The following SRPX2 variants were observed in gnomAD, a reference collection of about 807,000 sequenced individuals.
SRPX2 encodes sushi repeat-containing protein SRPX2.
In SRPX2, 26 loss-of-function variants were observed where a neutral mutation model predicts 45.3. The observed-to-expected ratio is 0.57, with a 90% confidence interval of 0.42 to 0.80. The LOEUF (loss-of-function observed/expected upper bound fraction) is 0.80. Among genes scored for constraint, SRPX2 ranks in the 30% least tolerant of loss-of-function variants. The probability of loss-of-function intolerance (pLI) is 0.00; values close to 1 mark genes in which losing one functional copy is unlikely to be tolerated. For missense variants in SRPX2, 355 were observed against 399.8 expected, an observed-to-expected ratio of 0.89 and a Z score of 0.95; for synonymous variants, 125 against 143.7, an observed-to-expected ratio of 0.87 and a Z score of 0.93.
intron 8 of SRPX2, 33 bp from the exon 9 acceptor site, chrX:100,667,241 C>T: frequency 8.3e-6 from 10 of 1,211,438 alleles, no homozygotes; most frequent in Non-Finnish European, 1.0e-5. Context: ...AGGAGAAAGC[C>T]GTACTCTGAC....
At chrX:100,660,723 C>T (rs1358084660) in intron 3 of SRPX2, among the ~76,000 whole-genome samples, 4 of 111,104 alleles carry the variant, frequency 3.6e-5, no homozygotes, top group Non-Finnish European at 7.5e-5. Context: ...CGCCTGTAGT[C>T]CCAGCTACTC....
At chrX:100,650,462 T>G (rs943467699) in intron 2 of SRPX2, among the ~76,000 whole-genome samples, 2 of 111,881 alleles carry the variant, frequency 1.8e-5, no homozygotes, top group African/African-American at 6.5e-5. Flanking sequence ...TTCAAGGAAA[T>G]GGGTCATTTA....
chrX:100,659,027 C>A (rs1034829242), intron 3 of SRPX2, among the ~76,000 whole-genome samples: 2 of 111,784 alleles, frequency 1.8e-5, no homozygotes, highest in African/African-American at 6.5e-5. Context: ...TTGTCACATG[C>A]CTCACTTACT....
rs2083129132 is a variant in SRPX2 at position 100,644,310 on chromosome X, G to A, written c.-336G>A. 2 of 111,809 alleles carry A rather than the reference G, an allele frequency of 1.8e-5. No homozygotes were observed. Among genetic ancestry groups the A allele is most frequent in the Non-Finnish European group, 3.8e-5 (2 of 53,220 alleles). 9.2% of individuals were successfully genotyped at this position (111,809 alleles called of 1,213,427 possible). On this transcript the variant is annotated 5_prime_UTR_variant, in exon 1 of 11. Transcript: ENST00000373004. Reference sequence around the variant, plus strand: ...AGAGAGGAATAACTATAGCTTCAGGGATAATATAGCTTTAAGGAAACTTTT... The same window carrying A: ...AGAGAGGAATAACTATAGCTTCAGGAATAATATAGCTTTAAGGAAACTTTT...
At position 100,665,605 on chromosome X, in the gene SRPX2, C is replaced by T. The variant is rs1280564665; in HGVS notation, c.729C>T (p.Ala243=). The T allele has an allele frequency of 1.7e-6, 2 of 1,211,932 alleles. No homozygotes were observed. Among genetic ancestry groups the T allele is most frequent in the Admixed American group, 4.3e-5 (2 of 46,098 alleles). ...PEGEHVIRYT[A]YDRAYNRASC... is the part of the protein sequence containing the mutation. Reference sequence around the variant, plus strand: ...GAGAGCATGTGATTCGTTACACTGCCTATGACCGAGCCTACAACCGGGCCA... The same window carrying T: ...GAGAGCATGTGATTCGTTACACTGCTTATGACCGAGCCTACAACCGGGCCA... The change falls in exon 7 of 11, where the codon GCC becomes GCT. Residue 243 remains alanine (A), a synonymous_variant. Coordinates refer to ENST00000373004, the MANE Select transcript of SRPX2 (RefSeq NM_014467.3).
intron 10 of SRPX2, among the ~76,000 whole-genome samples, chrX:100,669,935 G>A (rs1166076774): frequency 1.8e-5 from 2 of 110,020 alleles, no homozygotes; most frequent in African/African-American, 6.6e-5. Context: ...ACCACACCCA[G>A]CTAATTTTTG....
intron 3 of SRPX2, among the ~76,000 whole-genome samples, chrX:100,661,227 T>C (rs1282552225): frequency 8.9e-6 from 1 of 112,176 alleles, no homozygotes. Context: ...GATTTTAACT[T>C]GCATTTCCCA....
chrX:100,650,320 G>GTT, intron 2 of SRPX2: 2 of 133,721 alleles, frequency 1.5e-5, no homozygotes, highest in South Asian at 2.3e-4. Context: ...CTGAGTAATT[G>GTT]TTTTTTTTTG....
chrX:100,672,606 G>C lies in SRPX2; in HGVS notation c.*1619G>C, dbSNP rs1426673281. 2 of 112,140 alleles carry C rather than the reference G, an allele frequency of 1.8e-5. No homozygotes were observed. The highest frequency in any genetic ancestry group is 1.9e-5 in the Non-Finnish European group (1 of 53,280). The allele number at this position is 112,140 out of a possible 1,213,427, so 9.2% of individuals were successfully genotyped here. A position where few individuals can be genotyped will look rare whatever the true frequency, so the allele number is the denominator to read the frequency against. ...TTTCAACACCAGCAGCCTGGCTCTA[G>C]AGGCAATGTTCTTCTTAGACATTAT... On this transcript the variant is annotated 3_prime_UTR_variant, in exon 11 of 11. Coordinates refer to ENST00000373004, the MANE Select transcript of SRPX2 (RefSeq NM_014467.3).
intron 3 of SRPX2, among the ~76,000 whole-genome samples, chrX:100,659,692 T>C (rs1435146367): frequency 9.0e-6 from 1 of 111,315 alleles, no homozygotes; most frequent in Admixed American, 9.5e-5. Context: ...AGAAAAGATT[T>C]CTCACTGTCA....
intron 8 of SRPX2, 77 bp downstream of exon 8, chrX:100,667,010 G>T: frequency 1.8e-6 from 2 of 1,135,576 alleles, no homozygotes; most frequent in Admixed American, 5.1e-5. Flanking sequence ...ATGGACAGGG[G>T]TCCAATAACA....
chrX:100,669,343 G>A lies in SRPX2; in HGVS notation c.1191G>A (p.Leu397=). 1 of 1,022,143 alleles carries A rather than the reference G, an allele frequency of 9.8e-7. No individual in the cohort carries two copies. Among genetic ancestry groups the A allele is most frequent in the Non-Finnish European group, 1.3e-6 (1 of 782,358 alleles). The allele number at this position is 1,022,143 out of a possible 1,213,427, so 84.2% of individuals were successfully genotyped here. ...QEVGRIREQQ[L]SANIIEELRQ... The stretch of plus-strand genomic sequence containing the variant: ...TGGGGCGCATCCGGGAGCAACAGCT[G>A]TCAGCCAACATCATCGAGGAGCTCA... Residue 397 remains leucine (L), a synonymous_variant, in exon 10 of 11, where the codon CTG becomes CTA. Coordinates refer to ENST00000373004, the MANE Select transcript of SRPX2 (RefSeq NM_014467.3).
At position 100,649,112 on chromosome X, in the gene SRPX2, C is replaced by T. The variant is rs1024062743; in HGVS notation, c.83-1673C>T. 4.4e-5 allele frequency: 5 copies of T among 112,429 alleles called. No individual in the cohort carries two copies. In the Admixed American group the frequency reaches 4.7e-4, roughly 11 times the overall value. 9.3% of individuals were successfully genotyped at this position (112,429 alleles called of 1,213,427 possible). ...GCTGAGAGATGTTAGCAGTCATTGTCGTAGTTGTTCTTGTTGTTGTTACTG... is the reference window on the plus strand; with the variant it reads ...GCTGAGAGATGTTAGCAGTCATTGTTGTAGTTGTTCTTGTTGTTGTTACTG... On this transcript the variant is annotated intron_variant, in intron 2 of 10. Coordinates refer to ENST00000373004, the MANE Select transcript of SRPX2 (RefSeq NM_014467.3).
chrX:100,666,897 A>G lies in SRPX2; in HGVS notation c.925A>G (p.Ser309Gly). 1 of 1,210,679 alleles carries G rather than the reference A, an allele frequency of 8.3e-7. No individual in the cohort carries two copies. The highest frequency in any genetic ancestry group is 1.7e-5 in the African/African-American group (1 of 57,877). Reference protein sequence around the residue: ...QGTPSRVCQSSRQWSGSPPIC... With the variant: ...QGTPSRVCQSGRQWSGSPPIC... ...GACACCCTCCCGGGTCTGTCAGTCCAGCCGCCAGTGGTCAGGTTCACCACC... is the reference window on the plus strand; with the variant it reads ...GACACCCTCCCGGGTCTGTCAGTCCGGCCGCCAGTGGTCAGGTTCACCACC... The change falls in exon 8 of 11, where the codon AGC becomes GGC. Residue 309 changes from serine to glycine, a missense_variant. Coordinates refer to ENST00000373004, the MANE Select transcript of SRPX2 (RefSeq NM_014467.3).
In SRPX2 at chrX:100,664,784, C is replaced by T. The variant is rs2147648869; in HGVS notation, c.366C>T (p.Cys122=). The change falls in exon 5 of 11, where the codon TGC becomes TGT. Residue 122 remains cysteine, a synonymous_variant. Transcript: ENST00000373004. The part of the protein sequence containing the change: ...SGTAYCRQMR[C]HALPFITSGT... The stretch of plus-strand genomic sequence containing the variant: ...TTGGTTTTCTCTTAGAGATGAGATG[C>T]CACGCACTACCATTCATCACTAGTG... The T allele has an allele frequency of 8.3e-7, 1 of 1,204,001 alleles. No individual in the cohort carries two copies. The highest frequency in any genetic ancestry group is 2.2e-5 in the Admixed American group (1 of 45,191).
At position 100,644,316 on chromosome X, in the gene SRPX2, A is replaced by G. The variant is rs2083129186; in HGVS notation, c.-330A>G. On this transcript the variant is annotated 5_prime_UTR_variant, in exon 1 of 11. The change creates a new upstream start codon in the 5' untranslated region. Transcript: ENST00000373004. ...GAATAACTATAGCTTCAGGGATAAT[A>G]TAGCTTTAAGGAAACTTTTGGCAGA... 2 of 111,916 alleles carry G rather than the reference A, an allele frequency of 1.8e-5. No individual in the cohort carries two copies. Among genetic ancestry groups the G allele is most frequent in the African/African-American group, 3.2e-5 (1 of 30,771 alleles). 9.2% of individuals were successfully genotyped at this position (111,916 alleles called of 1,213,427 possible).
intron 3 of SRPX2, among the ~76,000 whole-genome samples, chrX:100,661,948 T>TG (rs1251516685): frequency 9.9e-6 from 1 of 101,309 alleles, no homozygotes; most frequent in Non-Finnish European, 2.0e-5. Flanking sequence ...TTTTTTTTTT[T>TG]TTTTTTTTTT....
chrX:100,671,068 G>A lies in SRPX2; in HGVS notation c.*81G>A, dbSNP rs1426804486. The A allele has an allele frequency of 9.5e-7, 1 of 1,054,693 alleles. No homozygotes were observed. The allele number at this position is 1,054,693 out of a possible 1,213,427, so 86.9% of individuals were successfully genotyped here. On this transcript the variant is annotated 3_prime_UTR_variant, in exon 11 of 11. Coordinates refer to ENST00000373004, the MANE Select transcript of SRPX2 (RefSeq NM_014467.3). ...CTGGGACCTAATAAAAGGAGGAAAT[G>A]TTTTCCCACAGTTCTAGGGACAGGA...
In SRPX2 at chrX:100,670,810, A is replaced by G. The variant is rs375935170; in HGVS notation, c.1221A>G (p.Gln407=). ...LSANIIEELR[Q]FQRLTRSYFN... is the part of the protein sequence containing the mutation. Reference sequence around the variant, plus strand: ...CTCCCTGGGCTGTTCTCTCTAGGCAATTTCAGCGCCTCACTCGCTCCTACT... The same window carrying G: ...CTCCCTGGGCTGTTCTCTCTAGGCAGTTTCAGCGCCTCACTCGCTCCTACT... Residue 407 remains glutamine (Q), a synonymous_variant, in exon 11 of 11, where the codon CAA becomes CAG. Transcript: ENST00000373004. 43 of 1,208,976 alleles carry G rather than the reference A, an allele frequency of 3.6e-5. No homozygotes were observed. The African/African-American group carries it at 6.2e-4, about 17-fold the overall frequency.
Sources: allele counts gnomAD v4.1 joint callset (sites outside exome capture counted in the v4.1 genomes callset), GRCh38; gene constraint gnomAD v4.1.1; transcripts MANE v1.5; gene names NCBI Gene and HGNC (gene_info 2026-07-23, HGNC 2026-07-21).